Variants in CACNA1B observed in about 807,000 individuals in gnomAD.
CACNA1B encodes voltage-dependent N-type calcium channel subunit alpha-1B.
A neutral mutation model predicts 247.2 loss-of-function variants in CACNA1B; 70 were observed. The ratio of observed to expected loss-of-function variants is 0.28; its 90% CI spans 0.23 to 0.35. CACNA1B has a LOEUF of 0.35. Among genes scored for constraint, CACNA1B ranks in the 10% least tolerant of loss-of-function variants. The probability of loss-of-function intolerance (pLI) is 1.00; values close to 1 mark genes in which losing one functional copy is unlikely to be tolerated. For synonymous variants in CACNA1B, 1,231 were observed against 1,294.4 expected, an observed-to-expected ratio of 0.95 and a Z score of 1.05; for missense variants, 2,367 against 3,197.4, an observed-to-expected ratio of 0.74 and a Z score of 6.26.
intron 10 of CACNA1B, among the ~76,000 whole-genome samples, chr9:137,960,135 GAGA>G (rs1957995158): frequency 3.7e-5 from 5 of 134,496 alleles, no homozygotes; most frequent in Admixed American, 2.2e-4. Flanking sequence ...GGCCGACCTG[GAGA>G]GAGAGGGGAG....
rs1451466612 is a variant in CACNA1B, at chr9:137,891,095, G to T, written c.530+8212G>T. ...GGCTGGCCTGTGCGTGGCCAGGCAG[G>T]TTGGGCTCTCAGGGCGCATGGCTAC... On this transcript the variant is annotated intron_variant, in intron 3 of 46. Coordinates refer to ENST00000371372, the MANE Select transcript of CACNA1B (RefSeq NM_000718.4). This position sits in a 1 kb window ranked among gnomAD's most constrained non-coding sequence, Gnocchi z 4.3. 6.6e-6 allele frequency: 1 copy of T among 152,372 alleles called. No individual in the cohort carries two copies. The highest frequency in any genetic ancestry group is 6.5e-5 in the Admixed American group (1 of 15,290). The allele number at this position is 152,372 out of a possible 1,614,324, so 9.4% of individuals were successfully genotyped here.
chr9:138,023,899 G>C (rs1958886493), intron 19 of CACNA1B, 88 bp downstream of exon 19: 1 of 682,340 alleles, frequency 1.5e-6, no homozygotes, highest in Non-Finnish European at 2.6e-6. Context: ...TGGGGTCCAC[G>C]GCGGAGGCTG....
chr9:137,967,223 T>G (rs1958090192), intron 10 of CACNA1B, among the ~76,000 whole-genome samples: 1 of 152,200 alleles, frequency 6.6e-6, no homozygotes, highest in Admixed American at 6.5e-5. Context: ...TTTTGTTTCT[T>G]TAGCATCTTT....
intron 15 of CACNA1B, among the ~76,000 whole-genome samples, chr9:137,992,064 A>C (rs1958437727): frequency 6.6e-6 from 1 of 152,248 alleles, no homozygotes; most frequent in African/African-American, 2.4e-5. Context: ...AACAAATAGC[A>C]CAATGAATAG....
chr9:137,881,588 C>T lies in CACNA1B; in HGVS notation c.391-1156C>T, dbSNP rs1368169764. Among the ~76,000 whole-genome samples the T allele has an allele frequency of 1.3e-5, 2 of 152,218 alleles. No individual in the cohort carries two copies. Among genetic ancestry groups the T allele is most frequent in the Non-Finnish European group, 2.9e-5 (2 of 68,024 alleles). On this transcript the variant is annotated intron_variant, in intron 2 of 46. Transcript: ENST00000371372. The surrounding 1 kb of genome is among the most constrained non-coding windows in gnomAD (Gnocchi z 4.3). ...TCACCTGCTTCCTAAGGCAGCAGCCCTGGAGTGCAGGTGTCCGACACCCCC... is the reference window on the plus strand; with the variant it reads ...TCACCTGCTTCCTAAGGCAGCAGCCTTGGAGTGCAGGTGTCCGACACCCCC...
rs778779362 is a variant in CACNA1B at position 138,115,556 on chromosome 9, G to A, written c.5654G>A (p.Gly1885Asp). The change falls in exon 42 of 47, where the codon GGT becomes GAT. Residue 1885 changes from glycine to aspartate, a missense_variant. Coordinates refer to ENST00000371372, the MANE Select transcript of CACNA1B (RefSeq NM_000718.4). ...TTCCCTTTGCCTCCTTTGCAGATGG[G>A]TCCTGTGTCCCTGTTCCACCCTCTG... ...QQAPGGLSQM[G>D]PVSLFHPLKA... is the part of the protein sequence containing the mutation. The A allele has an allele frequency of 2.1e-5, 34 of 1,612,976 alleles. 1 individual carries two copies. In the South Asian group the frequency reaches 3.6e-4, roughly 17 times the overall value.
At chr9:138,055,889 G>A (rs148014185) in intron 26 of CACNA1B, among the ~76,000 whole-genome samples, 1 of 152,104 alleles carries the variant, frequency 6.6e-6, no homozygotes, top group African/African-American at 2.4e-5. Flanking sequence ...AGCTGGGTAT[G>A]GTGGCCAGCA....
chr9:138,023,309 G>C lies in CACNA1B; in HGVS notation c.2566G>C (p.Asp856His), dbSNP rs1317360652. The change falls in exon 19 of 47, where the codon GAC (aspartate) becomes CAC (histidine). Residue 856 changes from aspartate (D) to histidine (H), a missense_variant. Coordinates refer to ENST00000371372, the MANE Select transcript of CACNA1B (RefSeq NM_000718.4). ...TCCGCGCAGGCACCACCGGCACCGC[G>C]ACAAGGACAAGACCCCCGCGGCGGG... ...DPPRRHHRHRDKDKTPAAGDQ... is the reference protein window; with the variant it reads ...DPPRRHHRHRHKDKTPAAGDQ... 143 of 1,514,414 alleles carry C rather than the reference G, an allele frequency of 9.4e-5. No homozygotes were observed. Among genetic ancestry groups the C allele is most frequent in the Non-Finnish European group, 1.2e-4 (140 of 1,139,370 alleles). 93.8% of individuals were successfully genotyped at this position (1,514,414 alleles called of 1,614,324 possible).
intron 18 of CACNA1B, among the ~76,000 whole-genome samples, 193 bp from the exon 19 acceptor site, chr9:138,022,818 C>T (rs1049690152): frequency 3.8e-4 from 46 of 122,402 alleles, no homozygotes; most frequent in Admixed American, 1.1e-3. Context: ...GGGGGGGGGG[C>T]GGCGGGGCTG....
intron 3 of CACNA1B, among the ~76,000 whole-genome samples, chr9:137,908,832 C>T (rs1223982804): frequency 3.1e-4 from 47 of 151,436 alleles, no homozygotes; most frequent in Non-Finnish European, 2.1e-4. Flanking sequence ...GGGGTTTCAC[C>T]ATGTTAGCCA....
rs1957936119 is a variant in CACNA1B at position 137,955,520 on chromosome 9, G to A, written c.1071-178G>A. On this transcript the variant is annotated intron_variant, in intron 7 of 46. Coordinates refer to ENST00000371372, the MANE Select transcript of CACNA1B (RefSeq NM_000718.4). This position sits in a 1 kb window ranked among gnomAD's most constrained non-coding sequence, Gnocchi z 6.9. ...CCAGGGAGCTGTCTGGTGCTCTGGA[G>A]TGCTCATCTGGAGTGCTCAGGTTAG... Among the ~76,000 whole-genome samples, 1 of 152,206 alleles carries A rather than the reference G, an allele frequency of 6.6e-6. No homozygotes were observed. Among genetic ancestry groups the A allele is most frequent in the African/African-American group, 2.4e-5 (1 of 41,462 alleles).
chr9:138,016,645 C>T lies in CACNA1B; in HGVS notation c.2267+3410C>T, dbSNP rs113501142. 8.6e-3 allele frequency among the ~76,000 whole-genome samples: 1,310 copies of T among 151,688 alleles called. 6 individuals carry two copies. Among genetic ancestry groups the T allele is most frequent in the South Asian group, 0.013 (60 of 4,784 alleles). On this transcript the variant is annotated intron_variant, in intron 18 of 46. Transcript: ENST00000371372. ...TTTGTTAGCCTACGCTGCCCCATCTCGAGGGCCGGGAGACGGTGCGGTCAG... is the reference window on the plus strand; with the variant it reads ...TTTGTTAGCCTACGCTGCCCCATCTTGAGGGCCGGGAGACGGTGCGGTCAG...
At chr9:137,916,387 AG>A (rs1271554461) in intron 5 of CACNA1B, among the ~76,000 whole-genome samples, 1 of 152,116 alleles carries the variant, frequency 6.6e-6, no homozygotes, top group East Asian at 1.9e-4. Context: ...TTGAGAGTGA[AG>A]GGGGTAAACG....
chr9:138,109,361 A>C (rs191281515), intron 39 of CACNA1B, among the ~76,000 whole-genome samples: 1 of 152,252 alleles, frequency 6.6e-6, no homozygotes, highest in Non-Finnish European at 1.5e-5. Flanking sequence ...CAGCTTAGAC[A>C]AAAGAAATGT....
chr9:137,961,145 AT>A (rs1036345636), intron 10 of CACNA1B, among the ~76,000 whole-genome samples: 1 of 151,682 alleles, frequency 6.6e-6, no homozygotes. Flanking sequence ...TTTTATTTTT[AT>A]TTTTTTGTGG....
At chr9:138,096,803 C>T (rs547877557) in intron 37 of CACNA1B, among the ~76,000 whole-genome samples, 192 bp downstream of exon 37, 31 of 147,722 alleles carry the variant, frequency 2.1e-4, no homozygotes, top group African/African-American at 7.0e-4. Flanking sequence ...TTTTCCATCT[C>T]GTGTGCCTTC....
chr9:138,062,040 C>T (rs919238449), intron 31 of CACNA1B, among the ~76,000 whole-genome samples: 1 of 152,178 alleles, frequency 6.6e-6, no homozygotes, highest in African/African-American at 2.4e-5. Context: ...GTTTTTAGTG[C>T]CCCATGGTGA....
chr9:137,935,267 T>G (rs139243423), intron 6 of CACNA1B, among the ~76,000 whole-genome samples: 78 of 152,124 alleles, frequency 5.1e-4, no homozygotes, highest in African/African-American at 1.8e-3. Flanking sequence ...CCCCACCCCA[T>G]GACAGGCTCC....
intron 36 of CACNA1B, 96 bp downstream of exon 36, chr9:138,078,354 C>A: frequency 8.1e-7 from 1 of 1,228,558 alleles, no homozygotes; most frequent in Non-Finnish European, 1.2e-6. Flanking sequence ...GACTCTGATC[C>A]AGGCCATGTC....
Sources: gnomAD v4.1 joint callset for allele counts (sites outside exome capture counted in the v4.1 genomes callset) on GRCh38, gnomAD v4.1.1 for gene constraint, Gnocchi (gnomAD v3.1) non-coding constraint, MANE v1.5 for transcripts, NCBI Gene and HGNC (gene_info 2026-07-23, HGNC 2026-07-21) for gene names.